Variants in CTNNA3 observed in about 807,000 individuals in gnomAD.
CTNNA3 encodes the protein catenin alpha-3.
Under a neutral mutation model 95.7 loss-of-function variants are expected in CTNNA3, and 76 were observed. That is an observed-to-expected ratio of 0.79 (90% CI 0.66 to 0.96). The LOEUF (loss-of-function observed/expected upper bound fraction) is 0.96, where lower values mean the gene tolerates loss of function less well. CTNNA3 is among the 40% of genes least tolerant of loss of function. CTNNA3 has a pLI of 0.00. For synonymous variants in CTNNA3, 431 were observed against 374.4 expected, an observed-to-expected ratio of 1.15 and a Z score of -1.74; for missense variants, 1,191 against 1,089.8, an observed-to-expected ratio of 1.09 and a Z score of -1.31.
intron 4 of CTNNA3, among the ~76,000 whole-genome samples, chr10:67,536,773 C>G (rs747192536): frequency 3.9e-5 from 6 of 152,108 alleles, no homozygotes; most frequent in Non-Finnish European, 7.4e-5. Context: ...ATGGGAATTT[C>G]TATGTGCAGC....
intron 12 of CTNNA3, among the ~76,000 whole-genome samples, chr10:66,301,166 G>A (rs1202969308): frequency 6.6e-6 from 1 of 151,974 alleles, no homozygotes; most frequent in Non-Finnish European, 1.5e-5. Context: ...CTATTGAGGA[G>A]ATTGGATCAA....
intron 7 of CTNNA3, among the ~76,000 whole-genome samples, chr10:66,789,687 T>C (rs1412691207): frequency 6.6e-6 from 1 of 152,180 alleles, no homozygotes; most frequent in African/African-American, 2.4e-5. Context: ...CTGTAATTAA[T>C]AGAATATTTT....
intron 7 of CTNNA3, among the ~76,000 whole-genome samples, chr10:67,074,508 G>A (rs969102571): frequency 1.1e-4 from 16 of 151,456 alleles, no homozygotes; most frequent in Non-Finnish European, 1.5e-5. Flanking sequence ...CCACCACCAC[G>A]CCCGGCTAAT....
At chr10:67,216,890 G>T (rs1383741601) in intron 6 of CTNNA3, among the ~76,000 whole-genome samples, 1 of 152,220 alleles carries the variant, frequency 6.6e-6, no homozygotes, top group East Asian at 1.9e-4. Flanking sequence ...CTACAATTCA[G>T]CACTTCTCAG....
chr10:65,968,205 C>A (rs1039331149), intron 16 of CTNNA3, among the ~76,000 whole-genome samples: 2 of 151,808 alleles, frequency 1.3e-5, no homozygotes, highest in African/African-American at 4.8e-5. Context: ...GCCTGGGGAA[C>A]ATAGGGAGAC....
At chr10:67,218,628 C>A (rs1864500330) in intron 6 of CTNNA3, among the ~76,000 whole-genome samples, 1 of 152,186 alleles carries the variant, frequency 6.6e-6, no homozygotes, top group Non-Finnish European at 1.5e-5. Context: ...ACAACACTAG[C>A]CATGACTCCT....
chr10:66,767,163 T>C (rs560011620), intron 8 of CTNNA3, among the ~76,000 whole-genome samples: 1 of 151,992 alleles, frequency 6.6e-6, no homozygotes, highest in African/African-American at 2.4e-5. Context: ...GATCATAATA[T>C]CGGGCCAGGC....
chr10:67,325,074 C>T (rs1281436644), intron 5 of CTNNA3, among the ~76,000 whole-genome samples: 7 of 151,960 alleles, frequency 4.6e-5, no homozygotes, highest in Admixed American at 2.0e-4. Flanking sequence ...TCTGTGGGGT[C>T]AATGGTAATG....
chr10:67,443,680 T>A (rs1477982016), intron 5 of CTNNA3, among the ~76,000 whole-genome samples: 1 of 152,202 alleles, frequency 6.6e-6, no homozygotes, highest in African/African-American at 2.4e-5. Context: ...GAGTTCATTA[T>A]AGATTCTGGA....
chr10:67,691,812 C>T (rs1183278441), intron 1 of CTNNA3, among the ~76,000 whole-genome samples: 34 of 140,968 alleles, frequency 2.4e-4, no homozygotes, highest in East Asian at 1.1e-3. Context: ...AGGTGAGGGG[C>T]GCCTCTGCCC....
intron 5 of CTNNA3, among the ~76,000 whole-genome samples, chr10:67,311,288 C>T (rs79234385): frequency 6.6e-6 from 1 of 151,838 alleles, no homozygotes; most frequent in African/African-American, 2.4e-5. Context: ...GAAAAAGAAG[C>T]AAAAAAGTGA....
chr10:67,707,820 G>A (rs1361760544), intron 1 of CTNNA3, among the ~76,000 whole-genome samples: 2 of 152,132 alleles, frequency 1.3e-5, no homozygotes, highest in African/African-American at 4.8e-5. Flanking sequence ...CTTCATCAGA[G>A]ATTGGTATTC....
intron 7 of CTNNA3, among the ~76,000 whole-genome samples, chr10:66,993,445 G>T (rs1851150579): frequency 6.6e-6 from 1 of 152,114 alleles, no homozygotes; most frequent in African/African-American, 2.4e-5. Flanking sequence ...AAGGAAAATA[G>T]TGTTGTGATC....
chr10:66,615,872 A>G (rs921535703), intron 10 of CTNNA3, among the ~76,000 whole-genome samples: 11 of 152,160 alleles, frequency 7.2e-5, no homozygotes, highest in South Asian at 4.1e-4. Context: ...TATTTAAGCT[A>G]AGGCCCTGAC....
chr10:67,118,915 C>T (rs1025663316), intron 7 of CTNNA3, among the ~76,000 whole-genome samples: 6 of 151,870 alleles, frequency 4.0e-5, no homozygotes, highest in South Asian at 2.1e-4. Flanking sequence ...CATCATTTTC[C>T]GCTGCCATTT....
intron 7 of CTNNA3, among the ~76,000 whole-genome samples, chr10:66,820,796 CTA>C (rs1230784899): frequency 6.6e-6 from 1 of 151,880 alleles, no homozygotes; most frequent in Non-Finnish European, 1.5e-5. Flanking sequence ...ATTTATAAAA[CTA>C]GTTTATAACT....
intron 7 of CTNNA3, among the ~76,000 whole-genome samples, chr10:67,086,395 T>G (rs1857309771): frequency 6.6e-6 from 1 of 151,988 alleles, no homozygotes; most frequent in South Asian, 2.1e-4. Flanking sequence ...AAAGTCTCAA[T>G]TAATTTAGTA....
At chr10:67,504,634 C>T (rs1839377087) in intron 5 of CTNNA3, among the ~76,000 whole-genome samples, 1 of 152,078 alleles carries the variant, frequency 6.6e-6, no homozygotes, top group Non-Finnish European at 1.5e-5. Flanking sequence ...TGGTACCTTA[C>T]TTATCACACA....
intron 1 of CTNNA3, chr10:67,665,748 T>C (rs1220178865): frequency 6.6e-6 from 1 of 152,162 alleles, no homozygotes; most frequent in Non-Finnish European, 1.5e-5. Context: ...ATGGGTGCTC[T>C]TAAAGCAACA....
Sources: allele counts gnomAD v4.1 joint callset (sites outside exome capture counted in the v4.1 genomes callset), GRCh38; gene constraint gnomAD v4.1.1; transcripts MANE v1.5; gene names NCBI Gene and HGNC (gene_info 2026-07-23, HGNC 2026-07-21).